Variants in DUT observed in about 807,000 individuals in gnomAD.
DUT encodes the protein deoxyuridine 5'-triphosphate nucleotidohydrolase, mitochondrial.
A neutral mutation model predicts 28.8 loss-of-function variants in DUT; 21 were observed. That is an observed-to-expected ratio of 0.73 (90% CI 0.52 to 1.05). DUT has a LOEUF of 1.05. Ranked by LOEUF, DUT falls within the 50% of genes least tolerant of loss-of-function variation. DUT has a pLI of 0.00. For synonymous variants in DUT, 147 were observed against 143.7 expected, an observed-to-expected ratio of 1.02 and a Z score of -0.17; for missense variants, 344 against 351.8, an observed-to-expected ratio of 0.98 and a Z score of 0.18.
chr15:48,340,956 C>G (rs11637235), intron 4 of DUT, among the ~76,000 whole-genome samples: 1 of 152,162 alleles, frequency 6.6e-6, no homozygotes, highest in South Asian at 2.1e-4. Flanking sequence ...AAACCCAAAT[C>G]GTAATTTTCT....
chr15:48,332,662 T>TAGA (rs2042431133), intron 2 of DUT: 1 of 659,824 alleles, frequency 1.5e-6, no homozygotes, highest in Non-Finnish European at 2.8e-6. Flanking sequence ...CCTTCCTAAA[T>TAGA]AGAAGATAGA....
chr15:48,342,052 G>A lies in DUT; in HGVS notation c.733G>A (p.Gly245Ser). The part of the protein sequence containing the change: ...ALDDTERGSG[G>S]FGSTGKN ...GGATGACACCGAAAGGGGTTCAGGA[G>A]GTTTTGGTTCCACTGGAAAGAATTA... is the stretch of plus-strand genomic sequence containing the variant. Residue 245 changes from glycine to serine, a missense_variant, in exon 7 of 7, where the codon GGT becomes AGT. Physicochemically the swap from Gly to Ser is moderately conservative, Grantham distance 56. Coordinates refer to ENST00000331200, the MANE Select transcript of DUT (RefSeq NM_001025248.2). 2.5e-6 allele frequency: 4 copies of A among 1,578,292 alleles called. No homozygotes were observed. The highest frequency in any genetic ancestry group is 2.6e-6 in the Non-Finnish European group (3 of 1,166,184).
chr15:48,331,840 A>C (rs1333016948), intron 1 of DUT, 45 bp downstream of exon 1: 14 of 1,054,814 alleles, frequency 1.3e-5, no homozygotes, highest in Middle Eastern at 4.4e-4. Context: ...GAAGGAATCC[A>C]CGCGGCTTGA....
At chr15:48,337,271 C>T (rs1042963159) in intron 4 of DUT, among the ~76,000 whole-genome samples, 1 of 152,148 alleles carries the variant, frequency 6.6e-6, no homozygotes, top group Admixed American at 6.5e-5. Context: ...TTCAAAAATG[C>T]TTTTACAAGG....
chr15:48,333,346 A>G (rs1295900632), intron 2 of DUT, among the ~76,000 whole-genome samples: 2 of 152,204 alleles, frequency 1.3e-5, no homozygotes, highest in African/African-American at 2.4e-5. Flanking sequence ...TTTGATGAAT[A>G]AAAGTAGAGT....
In DUT at chr15:48,341,558, T is replaced by G; in HGVS notation, c.675T>G (p.Ile225Met). ...TTGCACAGCTCATTTGCGAACGGAT[T>G]TTTTATCCAGAAATAGAAGAAGTTC... is the stretch of plus-strand genomic sequence containing the variant. ...DRIAQLICER[I>M]FYPEIEEVQA... Residue 225 changes from isoleucine (I) to methionine (M), a missense_variant, in exon 6 of 7, where the codon ATT (isoleucine) becomes ATG (methionine). By Grantham distance (10) the Ile-to-Met change is conservative (BLOSUM62 1). Transcript: ENST00000331200. The G allele has an allele frequency of 6.2e-7, 1 of 1,612,956 alleles. No individual in the cohort carries two copies. The highest frequency in any genetic ancestry group is 8.5e-7 in the Non-Finnish European group (1 of 1,179,368).
rs748156899 is a variant in DUT, at chr15:48,332,329, C to T, written c.342C>T (p.Leu114=). ...ARPAEVGGMQ[L]RFARLSEHAT... is the part of the protein sequence containing the mutation. ...CTGCGGAGGTGGGCGGCATGCAGCT[C>T]CGCTTTGCCCGGCTCTCCGAGCACG... Residue 114 remains leucine, a synonymous_variant, in exon 2 of 7, where the codon CTC becomes CTT. Transcript: ENST00000331200. 11 of 1,607,406 alleles carry T rather than the reference C, an allele frequency of 6.8e-6. No individual in the cohort carries two copies. In the Admixed American group the frequency reaches 1.0e-4, roughly 15 times the overall value.
intron 1 of DUT, chr15:48,332,029 C>T (rs1198864806): frequency 7.0e-6 from 7 of 993,800 alleles, no homozygotes; most frequent in East Asian, 3.1e-5. Flanking sequence ...GACTGGGACC[C>T]AGTAGTTTCC....
At chr15:48,337,532 G>A (rs1187035331) in intron 4 of DUT, among the ~76,000 whole-genome samples, 1 of 152,168 alleles carries the variant, frequency 6.6e-6, no homozygotes, top group Non-Finnish European at 1.5e-5. Context: ...ACCTAATATA[G>A]TACTTGGCAC....
intron 6 of DUT, 96 bp downstream of exon 6, chr15:48,341,681 A>G (rs2042536829): frequency 1.9e-6 from 2 of 1,034,318 alleles, no homozygotes; most frequent in East Asian, 5.2e-5. Flanking sequence ...GTTTGTAACT[A>G]AATAGTATAT....
At chr15:48,341,238 C>G in intron 4 of DUT, 51 bp from the exon 5 acceptor site, 1 of 1,106,510 alleles carries the variant, frequency 9.0e-7, no homozygotes, top group South Asian at 1.5e-5. Flanking sequence ...TCTTACACCT[C>G]TAGTATTCCA....
rs567712706 is a variant in DUT, at chr15:48,331,804, G to A, written c.280+9G>A. ...CCCGGCGCCGGGGCCGGGTAGGAAA[G>A]GCGGGGGAGGGGCTCCGGCCGTCTG... On this transcript the variant is annotated intron_variant, in intron 1 of 6. Transcript: ENST00000331200. The A allele has an allele frequency of 7.4e-4, 1,013 of 1,365,836 alleles. 10 individuals carry two copies. In the African/African-American group the frequency reaches 0.014, roughly 20 times the overall value. The allele number at this position is 1,365,836 out of a possible 1,614,324, so 84.6% of individuals were successfully genotyped here. A position where few individuals can be genotyped will look rare whatever the true frequency, so the allele number is the denominator to read the frequency against.
chr15:48,337,912 G>T (rs1003688510), intron 4 of DUT, among the ~76,000 whole-genome samples: 2 of 152,170 alleles, frequency 1.3e-5, no homozygotes, highest in Non-Finnish European at 2.9e-5. Context: ...TTCACATCTG[G>T]TAGGTGTGGA....
chr15:48,332,217 C>T (rs1447178372), intron 1 of DUT, 51 bp from the exon 2 acceptor site: 2 of 1,547,336 alleles, frequency 1.3e-6, no homozygotes, highest in Non-Finnish European at 1.7e-6. Flanking sequence ...CTCCTCTTCC[C>T]CCGGTGGTCT....
chr15:48,331,137 G>T (rs1217042996), upstream of DUT: 72 of 1,490,440 alleles, frequency 4.8e-5, no homozygotes, highest in Non-Finnish European at 6.1e-5. Flanking sequence ...CCGGCGCTTA[G>T]GGCGCCGCTA....
At chr15:48,333,629 T>C (rs751638285) in intron 2 of DUT, among the ~76,000 whole-genome samples, 20 of 152,224 alleles carry the variant, frequency 1.3e-4, no homozygotes, top group Non-Finnish European at 2.6e-4. Context: ...TAAAATCTCT[T>C]AAATTTCTAC....
intron 2 of DUT, 83 bp downstream of exon 2, chr15:48,332,489 C>A: frequency 1.7e-6 from 2 of 1,167,012 alleles, no homozygotes; most frequent in South Asian, 1.5e-5. Context: ...GGAGAGATCA[C>A]AGGAACACAC....
intron 4 of DUT, among the ~76,000 whole-genome samples, chr15:48,337,794 A>G (rs2042490774): frequency 6.6e-6 from 1 of 152,206 alleles, no homozygotes; most frequent in Admixed American, 6.5e-5. Context: ...GCACAAGTTT[A>G]TCATAGTTGG....
At chr15:48,335,271 CTAAAA>C (rs28381113) in intron 3 of DUT, among the ~76,000 whole-genome samples, 3,941 of 152,212 alleles carry the variant, frequency 0.026, 71 homozygotes, top group East Asian at 0.075. Context: ...TTAAATTATT[CTAAAA>C]TAAAATGCTG....
Sources: gnomAD v4.1 joint callset for allele counts (sites outside exome capture counted in the v4.1 genomes callset) on GRCh38, gnomAD v4.1.1 for gene constraint, MANE v1.5 for transcripts, NCBI Gene and HGNC (gene_info 2026-07-23, HGNC 2026-07-21) for gene names.